Variants in PSAPL1 observed in about 807,000 individuals in gnomAD.
PSAPL1 encodes prosaposin like 1, also known as proactivator polypeptide-like 1.
For synonymous variants in PSAPL1, 351 were observed against 291.6 expected, an observed-to-expected ratio of 1.20 and a Z score of -2.08; for missense variants, 814 against 688.8, an observed-to-expected ratio of 1.18 and a Z score of -2.03.
In PSAPL1 at chr4:7,434,796, C is replaced by G; in HGVS notation, c.84G>C (p.Lys28Asn). The G allele has an allele frequency of 2.5e-6, 4 of 1,610,210 alleles. No homozygotes were observed. Among genetic ancestry groups the G allele is most frequent in the Non-Finnish European group, 3.4e-6 (4 of 1,178,562 alleles). The change falls in exon 1 of 1, where the codon AAG (lysine) becomes AAC (asparagine). Residue 28 changes from lysine to asparagine, a missense_variant. Physicochemically the swap from Lys to Asn is moderately conservative, Grantham distance 94 (BLOSUM62 0). Coordinates refer to ENST00000319098, the MANE Select transcript of PSAPL1 (RefSeq NM_001085382.2). The part of the protein sequence containing the change: ...SPTSGPQECA[K>N]GSTVWCQDLQ... The stretch of plus-strand genomic sequence containing the variant: ...GATCCTGACACCACACCGTGGAGCC[C>G]TTTGCACACTCCTGGGGGCCTGAGG...
chr4:7,434,144 C>G lies in PSAPL1; in HGVS notation c.736G>C (p.Glu246Gln). ...DQALRLLPPQELCRKGGFCEE... is the reference protein window; with the variant it reads ...DQALRLLPPQQLCRKGGFCEE... ...CAGAATCCCCCCTTCCTGCAGAGCT[C>G]CTGCGGGGGGAGAAGCCTCAGTGCT... is the stretch of plus-strand genomic sequence containing the variant. The change falls in exon 1 of 1, where the codon GAG (glutamate) becomes CAG (glutamine). Residue 246 changes from glutamate to glutamine, a missense_variant. Coordinates refer to ENST00000319098, the MANE Select transcript of PSAPL1 (RefSeq NM_001085382.2). 1 of 1,613,874 alleles carries G rather than the reference C, an allele frequency of 6.2e-7. No homozygotes were observed. The highest frequency in any genetic ancestry group is 8.5e-7 in the Non-Finnish European group (1 of 1,179,838).
rs1290371496 is a variant in PSAPL1 at position 7,434,498 on chromosome 4, T to TGTCCGGGGCCCC, written c.370_381dup (p.Gly124_Asp127dup). ...GCTGTGCACACCTGTGCCGGGGCAC[T>TGTCCGGGGCCCC]GTCCGGGGCCCCACGGAGCATGCTC... On this transcript the variant is annotated inframe_insertion, in exon 1 of 1. Coordinates refer to ENST00000319098, the MANE Select transcript of PSAPL1 (RefSeq NM_001085382.2). 12 of 1,612,236 alleles carry TGTCCGGGGCCCC rather than the reference T, an allele frequency of 7.4e-6. No homozygotes were observed. The Admixed American group carries it at 1.5e-4, about 20-fold the overall frequency.
At position 7,434,561 on chromosome 4, in the gene PSAPL1, A is replaced by T. The variant is rs752892557; in HGVS notation, c.319T>A (p.Cys107Ser). ...CTGTGGGCATCCACCATCCACTTGC[A>T]TCCGGCTGAAGACTCCTGGCTGGGG... The part of the protein sequence containing the change: ...WLPSQESSAG[C>S]KWMVDAHSSA... Residue 107 changes from cysteine (C) to serine (S), a missense_variant, in exon 1 of 1, where the codon TGC (cysteine) becomes AGC (serine). Transcript: ENST00000319098. 12 of 1,613,518 alleles carry T rather than the reference A, an allele frequency of 7.4e-6. No individual in the cohort carries two copies. Among genetic ancestry groups the T allele is most frequent in the African/African-American group, 1.3e-5 (1 of 75,064 alleles).
At position 7,431,807 on chromosome 4, in the gene PSAPL1, C is replaced by G. The variant is rs974547320; in HGVS notation, c.*1507G>C. Reference sequence around the variant, plus strand: ...GTGCCTGTGTTCCTGGGGCGGTGGCCCAGGTCTGCGACGTTTACTTAAGAG... The same window carrying G: ...GTGCCTGTGTTCCTGGGGCGGTGGCGCAGGTCTGCGACGTTTACTTAAGAG... On this transcript the variant is annotated 3_prime_UTR_variant, in exon 1 of 1. Transcript: ENST00000319098. 1 of 152,176 alleles carries G rather than the reference C, an allele frequency of 6.6e-6. No homozygotes were observed. Among genetic ancestry groups the G allele is most frequent in the Non-Finnish European group, 1.5e-5 (1 of 68,046 alleles). 9.4% of individuals were successfully genotyped at this position (152,176 alleles called of 1,614,324 possible).
Position 7,434,350 on chromosome 4 carries a change from T to A in PSAPL1, c.530A>T (p.Gln177Leu), listed in dbSNP as rs1376617250. Reference sequence around the variant, plus strand: ...TTGGCACAGAGCTCCTTCAGGCGCCTGGCGGGGGTGGAAGGTAAGGGGCCC... The same window carrying A: ...TTGGCACAGAGCTCCTTCAGGCGCCAGGCGGGGGTGGAAGGTAAGGGGCCC... ...ANGPLTFHPR[Q>L]APEGALCQDC... is the part of the protein sequence containing the mutation. The change falls in exon 1 of 1, where the codon CAG becomes CTG. Residue 177 changes from glutamine (Q) to leucine (L), a missense_variant. Coordinates refer to ENST00000319098, the MANE Select transcript of PSAPL1 (RefSeq NM_001085382.2). 2 of 1,608,304 alleles carry A rather than the reference T, an allele frequency of 1.2e-6. No homozygotes were observed. Among genetic ancestry groups the A allele is most frequent in the African/African-American group, 2.7e-5 (2 of 74,858 alleles).
At position 7,433,278 on chromosome 4, in the gene PSAPL1, C is replaced by A; in HGVS notation, c.*36G>T. 7.4e-7 allele frequency: 1 copy of A among 1,352,604 alleles called. No individual in the cohort carries two copies. 83.8% of individuals were successfully genotyped at this position (1,352,604 alleles called of 1,614,324 possible). ...ATGGGGAAAGCACCCACCTCATGGG[C>A]CTCGCTAGCAGGCTCTGGGTCTCTG... On this transcript the variant is annotated 3_prime_UTR_variant, in exon 1 of 1. Transcript: ENST00000319098.
In PSAPL1 at chr4:7,433,058, C is replaced by G. The variant is rs562816477; in HGVS notation, c.*256G>C. ...CATCTCAGCCTTGGAGATGAGAGGG[C>G]AGCCTTGGCTGGGTCAGGGAGCGGG... On this transcript the variant is annotated 3_prime_UTR_variant, in exon 1 of 1. Coordinates refer to ENST00000319098, the MANE Select transcript of PSAPL1 (RefSeq NM_001085382.2). 3 of 330,466 alleles carry G rather than the reference C, an allele frequency of 9.1e-6. No homozygotes were observed. The highest frequency in any genetic ancestry group is 9.4e-5 in the East Asian group (2 of 21,316). The allele number at this position is 330,466 out of a possible 1,614,324, so 20.5% of individuals were successfully genotyped here.
rs1429237017 is a variant in PSAPL1, at chr4:7,430,362, C to G, written c.*2952G>C. The stretch of plus-strand genomic sequence containing the variant: ...ATCACTTCTAAGAAAAGCCCCAAGC[C>G]AAAACAAACAAACAAACAAACAAAC... On this transcript the variant is annotated 3_prime_UTR_variant, in exon 1 of 1. Transcript: ENST00000319098. The G allele has an allele frequency of 1.0e-5, 1 of 99,146 alleles. No individual in the cohort carries two copies. Among genetic ancestry groups the G allele is most frequent in the Non-Finnish European group, 2.3e-5 (1 of 42,724 alleles). The allele number at this position is 99,146 out of a possible 1,614,324, so 6.1% of individuals were successfully genotyped here. A position where few individuals can be genotyped will look rare whatever the true frequency, so the allele number is the denominator to read the frequency against.
In PSAPL1 at chr4:7,433,501, A is replaced by T. The variant is rs1292489037; in HGVS notation, c.1379T>A (p.Val460Glu). The T allele has an allele frequency of 9.4e-6, 15 of 1,601,752 alleles. No individual in the cohort carries two copies. Among genetic ancestry groups the T allele is most frequent in the Non-Finnish European group, 1.2e-5 (14 of 1,174,888 alleles). ...IESLKDMMDP[V>E]AVCKKVGACH... ...GGCCCCCACCTTCTTGCACACAGCCACGGGGTCCATCATGTCCTTGAGACT... is the reference window on the plus strand; with the variant it reads ...GGCCCCCACCTTCTTGCACACAGCCTCGGGGTCCATCATGTCCTTGAGACT... The change falls in exon 1 of 1, where the codon GTG (valine) becomes GAG (glutamate). Residue 460 changes from valine to glutamate, a missense_variant. Transcript: ENST00000319098.
Position 7,434,404 on chromosome 4 carries a change from A to G in PSAPL1, c.476T>C (p.Phe159Ser), listed in dbSNP as rs1727136869. ...TLRPLSKEDT[F>S]EAVAPFMANG... Reference sequence around the variant, plus strand: ...GGCCATGAACGGAGCCACAGCCTCAAAGGTGTCCTCTTTGGAGAGTGGCCT... The same window carrying G: ...GGCCATGAACGGAGCCACAGCCTCAGAGGTGTCCTCTTTGGAGAGTGGCCT... The change falls in exon 1 of 1, where the codon TTT (phenylalanine) becomes TCT (serine). Residue 159 changes from phenylalanine to serine, a missense_variant. Transcript: ENST00000319098. 1 of 1,608,198 alleles carries G rather than the reference A, an allele frequency of 6.2e-7. No individual in the cohort carries two copies. The highest frequency in any genetic ancestry group is 1.1e-5 in the South Asian group (1 of 90,026).
Position 7,430,908 on chromosome 4 carries a change from A to G in PSAPL1, c.*2406T>C, listed in dbSNP as rs1726802740. On this transcript the variant is annotated 3_prime_UTR_variant, in exon 1 of 1. Transcript: ENST00000319098. ...GCTGAATGGTGGTGCTGCCGTCAGCACCAGTGGGCCCGTCCCTTGCTCCTC... is the reference window on the plus strand; with the variant it reads ...GCTGAATGGTGGTGCTGCCGTCAGCGCCAGTGGGCCCGTCCCTTGCTCCTC... 1.3e-5 allele frequency: 2 copies of G among 152,012 alleles called. No homozygotes were observed. Among genetic ancestry groups the G allele is most frequent in the East Asian group, 3.9e-4 (2 of 5,160 alleles). 9.4% of individuals were successfully genotyped at this position (152,012 alleles called of 1,614,324 possible).
chr4:7,433,034 A>T lies in PSAPL1; in HGVS notation c.*280T>A. 3.5e-6 allele frequency: 1 copy of T among 289,624 alleles called. No individual in the cohort carries two copies. Among genetic ancestry groups the T allele is most frequent in the Middle Eastern group, 9.5e-4 (1 of 1,058 alleles). 17.9% of individuals were successfully genotyped at this position (289,624 alleles called of 1,614,324 possible). On this transcript the variant is annotated 3_prime_UTR_variant, in exon 1 of 1. Transcript: ENST00000319098. Reference sequence around the variant, plus strand: ...AGGCTCTCATGGGACCACCGGCAACATCTCAGCCTTGGAGATGAGAGGGCA... The same window carrying T: ...AGGCTCTCATGGGACCACCGGCAACTTCTCAGCCTTGGAGATGAGAGGGCA...
At position 7,433,951 on chromosome 4, in the gene PSAPL1, G is replaced by A. The variant is rs1468184535; in HGVS notation, c.929C>T (p.Ser310Phe). The A allele has an allele frequency of 1.2e-6, 2 of 1,613,710 alleles. No homozygotes were observed. Among genetic ancestry groups the A allele is most frequent in the African/African-American group, 2.7e-5 (2 of 74,914 alleles). ...VVQKLDHWLMSNSSELMITHA... is the reference protein window; with the variant it reads ...VVQKLDHWLMFNSSELMITHA... Reference sequence around the variant, plus strand: ...GGTGATCATGAGCTCAGAGCTGTTGGACATGAGCCAGTGGTCCAGCTTCTG... The same window carrying A: ...GGTGATCATGAGCTCAGAGCTGTTGAACATGAGCCAGTGGTCCAGCTTCTG... Residue 310 changes from serine (S) to phenylalanine (F), a missense_variant, in exon 1 of 1, where the codon TCC (serine) becomes TTC (phenylalanine). Coordinates refer to ENST00000319098, the MANE Select transcript of PSAPL1 (RefSeq NM_001085382.2).
chr4:7,431,177 T>G lies in PSAPL1; in HGVS notation c.*2137A>C, dbSNP rs564943121. Reference sequence around the variant, plus strand: ...GCCTGTGGGGTCATGGCCAGTGAGCTCCGTTCATCACGGGCAACCATCTAG... The same window carrying G: ...GCCTGTGGGGTCATGGCCAGTGAGCGCCGTTCATCACGGGCAACCATCTAG... On this transcript the variant is annotated 3_prime_UTR_variant, in exon 1 of 1. Transcript: ENST00000319098. The G allele has an allele frequency of 4.6e-5, 7 of 152,286 alleles. No individual in the cohort carries two copies. Among genetic ancestry groups the G allele is most frequent in the Non-Finnish European group, 7.3e-5 (5 of 68,206 alleles). The allele number at this position is 152,286 out of a possible 1,614,324, so 9.4% of individuals were successfully genotyped here.
In PSAPL1 at chr4:7,434,377, T is replaced by C. The variant is rs972644944; in HGVS notation, c.503A>G (p.Asn168Ser). The change falls in exon 1 of 1, where the codon AAT (asparagine) becomes AGT (serine). Residue 168 changes from asparagine (N) to serine (S), a missense_variant. Coordinates refer to ENST00000319098, the MANE Select transcript of PSAPL1 (RefSeq NM_001085382.2). ...TFEAVAPFMANGPLTFHPRQA... is the reference protein window; with the variant it reads ...TFEAVAPFMASGPLTFHPRQA... ...GCGGGGGTGGAAGGTAAGGGGCCCA[T>C]TGGCCATGAACGGAGCCACAGCCTC... 1.9e-6 allele frequency: 3 copies of C among 1,607,852 alleles called. No homozygotes were observed. Among genetic ancestry groups the C allele is most frequent in the South Asian group, 1.1e-5 (1 of 90,098 alleles).
chr4:7,432,989 G>T lies in PSAPL1; in HGVS notation c.*325C>A. 1 of 213,946 alleles carries T rather than the reference G, an allele frequency of 4.7e-6. No individual in the cohort carries two copies. Among genetic ancestry groups the T allele is most frequent in the Non-Finnish European group, 9.2e-6 (1 of 108,916 alleles). The allele number at this position is 213,946 out of a possible 1,614,324, so 13.3% of individuals were successfully genotyped here. ...GATGTCCATCCAGCAGAAGGTAAAG[G>T]GGCACCTGAGCCCATGGGCAGGCTC... On this transcript the variant is annotated 3_prime_UTR_variant, in exon 1 of 1. Coordinates refer to ENST00000319098, the MANE Select transcript of PSAPL1 (RefSeq NM_001085382.2).
Position 7,434,146 on chromosome 4 carries a change from T to G in PSAPL1, c.734A>C (p.Gln245Pro). The change falls in exon 1 of 1, where the codon CAG (glutamine) becomes CCG (proline). Residue 245 changes from glutamine (Q) to proline (P), a missense_variant. Transcript: ENST00000319098. ...GAATCCCCCCTTCCTGCAGAGCTCC[T>G]GCGGGGGGAGAAGCCTCAGTGCTTG... ...ADQALRLLPP[Q>P]ELCRKGGFCE... 1.2e-6 allele frequency: 2 copies of G among 1,613,842 alleles called. No individual in the cohort carries two copies. Among genetic ancestry groups the G allele is most frequent in the Non-Finnish European group, 1.7e-6 (2 of 1,179,836 alleles).
In PSAPL1 at chr4:7,431,314, C is replaced by T. The variant is rs958268644; in HGVS notation, c.*2000G>A. ...CACCCTGACCACCCACTGCAGGTAG[C>T]TCTGGGGTGGGGGCAGGTGGGCTGA... On this transcript the variant is annotated 3_prime_UTR_variant, in exon 1 of 1. Transcript: ENST00000319098. 3 of 152,470 alleles carry T rather than the reference C, an allele frequency of 2.0e-5. No homozygotes were observed. The South Asian group carries it at 6.2e-4, about 32-fold the overall frequency. The allele number at this position is 152,470 out of a possible 1,614,324, so 9.4% of individuals were successfully genotyped here.
In PSAPL1 at chr4:7,432,961, C is replaced by T. The variant is rs556771523; in HGVS notation, c.*353G>A. On this transcript the variant is annotated 3_prime_UTR_variant, in exon 1 of 1. Coordinates refer to ENST00000319098, the MANE Select transcript of PSAPL1 (RefSeq NM_001085382.2). ...GCCATGACCCCAGCCTGGCTCACAG[C>T]CAGATGTCCATCCAGCAGAAGGTAA... The T allele has an allele frequency of 2.2e-5, 4 of 181,260 alleles. No homozygotes were observed. The highest frequency in any genetic ancestry group is 4.0e-4 in the South Asian group (2 of 5,048). 11.2% of individuals were successfully genotyped at this position (181,260 alleles called of 1,614,324 possible).
Sources: gnomAD v4.1 joint callset for allele counts on GRCh38, gnomAD v4.1.1 for gene constraint, MANE v1.5 for transcripts, NCBI Gene and HGNC (gene_info 2026-07-23, HGNC 2026-07-21) for gene names.